The following ZNF521 variants were observed in gnomAD, a reference collection of about 807,000 sequenced individuals.
The protein encoded by ZNF521 is zinc finger protein 521, also known as LYST-interacting protein 3.
In ZNF521, 14 loss-of-function variants were observed where a neutral mutation model predicts 105.5. That is an observed-to-expected ratio of 0.13 (90% confidence interval 0.09 to 0.21). The LOEUF is 0.21. Among genes scored for constraint, ZNF521 ranks in the 10% least tolerant of loss-of-function variants. ZNF521 has a pLI of 1.00. For missense variants in ZNF521, 1,233 were observed against 1,629.7 expected (o/e 0.76, Z 4.19); for synonymous variants, 635 against 606.0 (o/e 1.05, Z -0.70).
At chr18:25,129,262 A>T (rs1245471613) in intron 5 of ZNF521, among the ~76,000 whole-genome samples, 16 of 81,794 alleles carry the variant, frequency 2.0e-4, no homozygotes, top group African/African-American at 4.8e-4. Context: ...TAATAATAAT[A>T]ATAATTATTA....
At chr18:25,197,287 T>C (rs1022269530) in intron 4 of ZNF521, among the ~76,000 whole-genome samples, 49 of 151,962 alleles carry the variant, frequency 3.2e-4, no homozygotes, top group Middle Eastern at 3.4e-3. Context: ...AAGAATTTAC[T>C]GTGATCAAAA....
intron 3 of ZNF521, among the ~76,000 whole-genome samples, chr18:25,297,664 T>G (rs1011195342): frequency 6.6e-6 from 1 of 152,180 alleles, no homozygotes; most frequent in African/African-American, 2.4e-5. Context: ...AAATACGTAC[T>G]CTGTTATACT....
intron 2 of ZNF521, among the ~76,000 whole-genome samples, chr18:25,341,309 T>A (rs1306815180): frequency 1.3e-5 from 2 of 152,180 alleles, no homozygotes; most frequent in Non-Finnish European, 2.9e-5. Context: ...TTCTTTCACC[T>A]CAATTTTGTA....
rs190083509 is a variant in ZNF521, at chr18:25,240,271, G to A, written c.221-12574C>T. Among the ~76,000 whole-genome samples, 58 of 152,200 alleles carry A rather than the reference G, an allele frequency of 3.8e-4. 1 individual carries two copies. Among genetic ancestry groups the A allele is most frequent in the Admixed American group, 9.2e-4 (14 of 15,278 alleles). On this transcript the variant is annotated intron_variant, in intron 3 of 7. Coordinates refer to ENST00000361524, the MANE Select transcript of ZNF521 (RefSeq NM_015461.3). ...TTGCTGGTCACTGTTGGACACTGAC[G>A]TCACATGAGGCACTTCTGCCTTTAT...
Position 25,253,357 on chromosome 18 carries a change from T to C in ZNF521, c.221-25660A>G, listed in dbSNP as rs559829299. 3.9e-5 allele frequency among the ~76,000 whole-genome samples: 6 copies of C among 152,242 alleles called. No individual in the cohort carries two copies. In the East Asian group the frequency reaches 1.2e-3, roughly 29 times the overall value. ...TTTCCATTTATTTGCACTGCCACAT[T>C]CCTGGGACATTACTGATCTTGAAGG... On this transcript the variant is annotated intron_variant, in intron 3 of 7. Transcript: ENST00000361524.
intron 5 of ZNF521, among the ~76,000 whole-genome samples, chr18:25,171,720 A>G (rs982237778): frequency 1.3e-5 from 2 of 152,162 alleles, no homozygotes; most frequent in African/African-American, 4.8e-5. Flanking sequence ...ATGGGGCAAC[A>G]TAAGGCTCTT....
rs554023659 is a variant in ZNF521, at chr18:25,263,979, T to A, written c.221-36282A>T. ...TATACCTGTGATACTGTTAACTATT[T>A]GAAATTTAACAGTGCTAAATTTTGT... On this transcript the variant is annotated intron_variant, in intron 3 of 7. Transcript: ENST00000361524. Among the ~76,000 whole-genome samples, 146 of 152,328 alleles carry A rather than the reference T, an allele frequency of 9.6e-4. 1 individual carries two copies. The highest frequency in any genetic ancestry group is 3.3e-3 in the African/African-American group (138 of 41,570).
At chr18:25,180,955 G>A (rs900176403) in intron 5 of ZNF521, among the ~76,000 whole-genome samples, 4 of 152,166 alleles carry the variant, frequency 2.6e-5, no homozygotes, top group African/African-American at 9.7e-5. Flanking sequence ...ATTCCTTCAT[G>A]TAAGTGATTT....
chr18:25,143,856 G>A (rs1179005441), intron 5 of ZNF521, among the ~76,000 whole-genome samples: 1 of 152,110 alleles, frequency 6.6e-6, no homozygotes, highest in Non-Finnish European at 1.5e-5. Context: ...GATACAATCA[G>A]TTATACCAAT....
At chr18:25,303,165 C>T (rs1403299736) in intron 3 of ZNF521, among the ~76,000 whole-genome samples, 5 of 151,546 alleles carry the variant, frequency 3.3e-5, no homozygotes, top group Non-Finnish European at 5.9e-5. Context: ...AGCAGAGCAC[C>T]AAGAAAAAAG....
intron 2 of ZNF521, among the ~76,000 whole-genome samples, chr18:25,342,892 A>C (rs1215844547): frequency 6.6e-6 from 1 of 152,246 alleles, no homozygotes; most frequent in Non-Finnish European, 1.5e-5. Context: ...AACTGGACCT[A>C]ATCTGGCTCT....
At chr18:25,245,347 G>A (rs1280491570) in intron 3 of ZNF521, among the ~76,000 whole-genome samples, 1 of 152,144 alleles carries the variant, frequency 6.6e-6, no homozygotes, top group Non-Finnish European at 1.5e-5. Context: ...CTGGACACAT[G>A]CATAGTCTCC....
chr18:25,306,020 C>T (rs1911954223), intron 3 of ZNF521, among the ~76,000 whole-genome samples: 1 of 152,206 alleles, frequency 6.6e-6, no homozygotes, highest in African/African-American at 2.4e-5. Context: ...TGTCTAAGGA[C>T]ATACAACCAG....
At chr18:25,236,228 T>G (rs1009147197) in intron 3 of ZNF521, among the ~76,000 whole-genome samples, 2 of 152,098 alleles carry the variant, frequency 1.3e-5, no homozygotes, top group Non-Finnish European at 2.9e-5. Context: ...TATGCTACAG[T>G]GGTATTAAGG....
chr18:25,145,347 A>C (rs983500214), intron 5 of ZNF521, among the ~76,000 whole-genome samples: 7 of 152,146 alleles, frequency 4.6e-5, no homozygotes, highest in African/African-American at 9.7e-5. Flanking sequence ...TGAATTCTTG[A>C]AGGTTAAAAC....
chr18:25,210,113 C>T (rs901211731), intron 4 of ZNF521, among the ~76,000 whole-genome samples: 1 of 152,112 alleles, frequency 6.6e-6, no homozygotes, highest in Non-Finnish European at 1.5e-5. Flanking sequence ...GTGTAGATTA[C>T]ATACTATATA....
At chr18:25,213,664 A>C (rs966460265) in intron 4 of ZNF521, among the ~76,000 whole-genome samples, 2 of 152,100 alleles carry the variant, frequency 1.3e-5, no homozygotes, top group Admixed American at 1.3e-4. Context: ...AAATGAACAA[A>C]GGTATTTTCT....
intron 5 of ZNF521, among the ~76,000 whole-genome samples, chr18:25,145,729 C>CT (rs1227354000): frequency 6.6e-6 from 1 of 152,176 alleles, no homozygotes; most frequent in Non-Finnish European, 1.5e-5. Flanking sequence ...CTTTCTTACA[C>CT]TTCTACCTAT....
intron 5 of ZNF521, among the ~76,000 whole-genome samples, chr18:25,182,446 T>C (rs2035647413): frequency 6.6e-6 from 1 of 152,240 alleles, no homozygotes. Flanking sequence ...TCTACTCTTG[T>C]AACCTGAGGT....
Sources: allele counts gnomAD v4.1 joint callset (sites outside exome capture counted in the v4.1 genomes callset), GRCh38; gene constraint gnomAD v4.1.1; transcripts MANE v1.5; gene names NCBI Gene and HGNC (gene_info 2026-07-23, HGNC 2026-07-21).